The following PWP1 variants were observed in gnomAD, a reference collection of about 807,000 sequenced individuals.
PWP1 encodes PWP1 homolog, endonuclein, also known as periodic tryptophan protein 1 homolog.
A neutral mutation model predicts 69.9 loss-of-function variants in PWP1; 47 were observed. That is an observed-to-expected ratio of 0.67 (90% CI 0.53 to 0.86). The LOEUF (loss-of-function observed/expected upper bound fraction) is 0.86, where lower values mean the gene tolerates loss of function less well. PWP1 is among the 40% of genes least tolerant of loss of function. The pLI is 0.00. For missense variants in PWP1, 551 were observed against 608.8 expected (o/e 0.91, Z 1.00); for synonymous variants, 222 against 208.2 (o/e 1.07, Z -0.57).
chr12:107,702,429 C>T (rs754204360), intron 8 of PWP1, among the ~76,000 whole-genome samples: 74 of 151,850 alleles, frequency 4.9e-4, no homozygotes, highest in Middle Eastern at 3.4e-3. Flanking sequence ...TACAGGCATG[C>T]GCCACCATGC....
intron 8 of PWP1, among the ~76,000 whole-genome samples, chr12:107,699,708 C>T (rs1373451959): frequency 1.3e-5 from 2 of 152,204 alleles, no homozygotes; most frequent in East Asian, 3.9e-4. Context: ...TTTGGCAGTG[C>T]CCATGGTGCA....
Position 107,688,784 on chromosome 12 carries a change from G to A in PWP1, c.301G>A (p.Asp101Asn). 2 of 1,613,916 alleles carry A rather than the reference G, an allele frequency of 1.2e-6. No homozygotes were observed. The highest frequency in any genetic ancestry group is 2.7e-5 in the African/African-American group (2 of 75,044). The change falls in exon 3 of 15, where the codon GAT (aspartate) becomes AAT (asparagine). Residue 101 changes from aspartate to asparagine, a missense_variant. Coordinates refer to ENST00000412830, the MANE Select transcript of PWP1 (RefSeq NM_007062.3). Reference sequence around the variant, plus strand: ...GGCTGAGTACGACTTAGATAAATATGATGAGGAAGGTGACCCAGGTTAGTT... The same window carrying A: ...GGCTGAGTACGACTTAGATAAATATAATGAGGAAGGTGACCCAGGTTAGTT... ...ELAEYDLDKY[D>N]EEGDPDAETL... is the part of the protein sequence containing the mutation.
intron 9 of PWP1, 25 bp downstream of exon 9, chr12:107,703,056 C>T (rs745376936): frequency 3.3e-6 from 5 of 1,509,062 alleles, no homozygotes; most frequent in Non-Finnish European, 4.6e-6. Flanking sequence ...TTGATCACAG[C>T]GGTTCTTAAA....
At chr12:107,695,285 C>T (rs1401856835) in intron 5 of PWP1, among the ~76,000 whole-genome samples, 3 of 151,624 alleles carry the variant, frequency 2.0e-5, no homozygotes, top group Non-Finnish European at 4.4e-5. Context: ...AAAGTTATTA[C>T]CAATTTTATG....
intron 14 of PWP1, among the ~76,000 whole-genome samples, chr12:107,711,168 T>TGGGTTAGGCTAGTTAAC (rs765084671): frequency 2.0e-5 from 3 of 152,194 alleles, no homozygotes; most frequent in Non-Finnish European, 2.9e-5. Context: ...ATTAAAGGAA[T>TGGGTTAGGCTAGTTAAC]GGGTTAGGCT....
intron 3 of PWP1, among the ~76,000 whole-genome samples, chr12:107,691,293 G>A (rs1349161957): frequency 6.6e-6 from 1 of 152,242 alleles, no homozygotes; most frequent in Non-Finnish European, 1.5e-5. Flanking sequence ...CACAGAGAAG[G>A]TGGATGGGCA....
chr12:107,704,224 G>A (rs1404611633), intron 10 of PWP1, among the ~76,000 whole-genome samples: 6 of 152,126 alleles, frequency 3.9e-5, no homozygotes, highest in Non-Finnish European at 8.8e-5. Flanking sequence ...TGTGATTCAC[G>A]CAGAATTACA....
chr12:107,690,399 T>C (rs992409532), intron 3 of PWP1, among the ~76,000 whole-genome samples: 11 of 152,272 alleles, frequency 7.2e-5, no homozygotes, highest in Admixed American at 1.3e-4. Flanking sequence ...AAAAAAGTTA[T>C]AATCAGGCAC....
At position 107,708,924 on chromosome 12, in the gene PWP1, A is replaced by G. The variant is rs1204891797; in HGVS notation, c.1078-2A>G. On this transcript the variant is annotated splice_acceptor_variant, in intron 11 of 14. Coordinates refer to ENST00000412830, the MANE Select transcript of PWP1 (RefSeq NM_007062.3). LOFTEE classifies it high-confidence loss of function. ...ACCTTGCCCATCTTTTACTCTTTCT[A>G]GGCCAGTACAGATGACGGCTTTGTA... 1 of 1,612,450 alleles carries G rather than the reference A, an allele frequency of 6.2e-7. No homozygotes were observed. The highest frequency in any genetic ancestry group is 1.7e-5 in the Admixed American group (1 of 59,930).
intron 11 of PWP1, among the ~76,000 whole-genome samples, chr12:107,705,811 G>A (rs896297825): frequency 1.3e-5 from 2 of 151,948 alleles, no homozygotes; most frequent in Admixed American, 6.5e-5. Context: ...CTTTTCTATC[G>A]TGAATAGTGC....
rs760461654 is a variant in PWP1 at position 107,697,569 on chromosome 12, C to CA, written c.722dup (p.Lys242GlufsTer20). The CA allele has an allele frequency of 3.7e-6, 6 of 1,602,310 alleles. No homozygotes were observed. The South Asian group carries it at 6.8e-5, about 18-fold the overall frequency. On this transcript the variant is annotated frameshift_variant, in exon 7 of 15. Transcript: ENST00000412830. LOFTEE classifies it high-confidence loss of function. ...GTCTTCACACTCGGAAGTAAACTTT[C>CA]AAAAAAGAAGAAAAAGAAAGGAAAG...
At chr12:107,696,628 G>T (rs778722765) in intron 6 of PWP1, 44 bp downstream of exon 6, 1 of 1,609,988 alleles carries the variant, frequency 6.2e-7, no homozygotes, top group Non-Finnish European at 8.5e-7. Context: ...CCAGTCTTAT[G>T]TATTTTCTCC....
chr12:107,693,247 G>A, intron 5 of PWP1, 151 bp downstream of exon 5: 2 of 1,192,474 alleles, frequency 1.7e-6, no homozygotes, highest in South Asian at 1.9e-5. Context: ...CCAATTTCTT[G>A]GTTATTGTTC....
At chr12:107,710,082 G>A (rs1440365864) in intron 13 of PWP1, among the ~76,000 whole-genome samples, 14 of 152,130 alleles carry the variant, frequency 9.2e-5, no homozygotes, top group Non-Finnish European at 1.0e-4. Context: ...GACAGCTAAA[G>A]TTTCTGGAAA....
intron 5 of PWP1, among the ~76,000 whole-genome samples, chr12:107,696,057 G>C (rs1226309167): frequency 8.8e-6 from 1 of 113,682 alleles, no homozygotes; most frequent in Non-Finnish European, 1.7e-5. Flanking sequence ...TTTTGAGATA[G>C]AGTCTCACTA....
chr12:107,708,972 A>G lies in PWP1; in HGVS notation c.1124A>G (p.Asp375Gly), dbSNP rs1339254753. The stretch of plus-strand genomic sequence containing the variant: ...GTATATAATTTGGATGCACGTTCAG[A>G]TAAGCCAATTTTTACACTTAATGCA... ...GFVYNLDARS[D>G]KPIFTLNAHN... The change falls in exon 12 of 15, where the codon GAT becomes GGT. Residue 375 changes from aspartate to glycine, a missense_variant. Transcript: ENST00000412830. 1.2e-6 allele frequency: 2 copies of G among 1,613,950 alleles called. No homozygotes were observed. Among genetic ancestry groups the G allele is most frequent in the Admixed American group, 1.7e-5 (1 of 59,968 alleles).
intron 3 of PWP1, among the ~76,000 whole-genome samples, chr12:107,689,871 CTCT>C (rs1351987776): frequency 6.6e-6 from 1 of 152,186 alleles, no homozygotes; most frequent in Non-Finnish European, 1.5e-5. Flanking sequence ...ACCTATATTG[CTCT>C]TCTGGGGAAA....
At chr12:107,689,086 A>G (rs1889432035) in intron 3 of PWP1, among the ~76,000 whole-genome samples, 1 of 152,186 alleles carries the variant, frequency 6.6e-6, no homozygotes, top group South Asian at 2.1e-4. Context: ...GTATGCAGTT[A>G]TAATGCTATG....
At position 107,696,502 on chromosome 12, in the gene PWP1, T is replaced by C. The variant is rs375671620; in HGVS notation, c.531T>C (p.Tyr177=). 63 of 1,613,968 alleles carry C rather than the reference T, an allele frequency of 3.9e-5. No individual in the cohort carries two copies. Among genetic ancestry groups the C allele is most frequent in the Non-Finnish European group, 4.9e-5 (58 of 1,180,012 alleles). Residue 177 remains tyrosine, a synonymous_variant, in exon 6 of 15, where the codon TAT becomes TAC. Transcript: ENST00000412830. The part of the protein sequence containing the change: ...HVYNQEEDSF[Y]VHHDILLSAY... Reference sequence around the variant, plus strand: ...ATAATCAAGAAGAAGACTCTTTTTATGTACACCATGATATACTCTTGTCTG... The same window carrying C: ...ATAATCAAGAAGAAGACTCTTTTTACGTACACCATGATATACTCTTGTCTG...
Sources: allele counts gnomAD v4.1 joint callset (sites outside exome capture counted in the v4.1 genomes callset), GRCh38; gene constraint gnomAD v4.1.1; transcripts MANE v1.5; gene names NCBI Gene and HGNC (gene_info 2026-07-23, HGNC 2026-07-21).